CD22: variants seen among roughly 807,000 people sequenced by gnomAD.
CD22 encodes the protein CD22 molecule, also known as B-cell receptor CD22.
Under a neutral mutation model 94.7 loss-of-function variants are expected in CD22, and 51 were observed. The ratio of observed to expected loss-of-function variants is 0.54; its 90% CI spans 0.43 to 0.68. The LOEUF (loss-of-function observed/expected upper bound fraction) is 0.68. Among genes scored for constraint, CD22 ranks in the 30% least tolerant of loss-of-function variants. The probability of loss-of-function intolerance (pLI) is 0.00; values close to 1 mark genes in which losing one functional copy is unlikely to be tolerated. For synonymous variants in CD22, 424 were observed against 422.5 expected (o/e 1.00, Z -0.04); for missense variants, 931 against 1,060.4 (o/e 0.88, Z 1.69).
rs751235261 is a variant in CD22, at chr19:35,346,733, CG to C, written c.*41del. 17 of 1,566,294 alleles carry C rather than the reference CG, an allele frequency of 1.1e-5. No individual in the cohort carries two copies. In the South Asian group the frequency reaches 1.5e-4, roughly 14 times the overall value. The stretch of plus-strand genomic sequence containing the variant: ...GCTGCAGCAGAGGCACTGGGGGCAG[CG>C]GGGGCCAGGGAAGTCCCCGAGTTTC... On this transcript the variant is annotated 3_prime_UTR_variant, in exon 14 of 14. Coordinates refer to ENST00000085219, the MANE Select transcript of CD22 (RefSeq NM_001771.4).
At chr19:35,333,593 C>A (rs1351245907) in intron 3 of CD22, among the ~76,000 whole-genome samples, 1 of 152,080 alleles carries the variant, frequency 6.6e-6, no homozygotes, top group East Asian at 1.9e-4. Flanking sequence ...CTCGCACTGT[C>A]ATCACCCAGG....
rs754005395 is a variant in CD22, at chr19:35,346,727, G to A, written c.*30G>A. On this transcript the variant is annotated 3_prime_UTR_variant, in exon 14 of 14. Transcript: ENST00000085219. The stretch of plus-strand genomic sequence containing the variant: ...GGATGGGCTGCAGCAGAGGCACTGG[G>A]GGCAGCGGGGGCCAGGGAAGTCCCC... The A allele has an allele frequency of 3.8e-6, 6 of 1,572,068 alleles. No individual in the cohort carries two copies. In the Admixed American group the frequency reaches 1.1e-4, roughly 29 times the overall value.
rs1473745592 is a variant in CD22, at chr19:35,332,006, C to T, written c.-22-13C>T. On this transcript the variant is annotated splice_polypyrimidine_tract_variant and intron_variant, in intron 1 of 13. Coordinates refer to ENST00000085219, the MANE Select transcript of CD22 (RefSeq NM_001771.4). ...CGGCCAGATGGCTCAAAGACAAACT[C>T]TCCCCTGCTCAGGCTTGCACCCAGA... The T allele has an allele frequency of 6.2e-7, 1 of 1,613,774 alleles. No homozygotes were observed.
At chr19:35,343,580 CAG>C (rs1402518343) in intron 9 of CD22, among the ~76,000 whole-genome samples, 3 of 152,126 alleles carry the variant, frequency 2.0e-5, no homozygotes, top group African/African-American at 7.2e-5. Flanking sequence ...TATGCATACA[CAG>C]AGTGTCTAAA....
intron 6 of CD22, among the ~76,000 whole-genome samples, chr19:35,340,385 C>T (rs903490144): frequency 4.6e-5 from 7 of 152,268 alleles, no homozygotes; most frequent in Admixed American, 3.3e-4. Context: ...CGGGTTCAAG[C>T]GATTCTCTTG....
In CD22 at chr19:35,338,355, T is replaced by A; in HGVS notation, c.1173T>A (p.Ala391=). 6.2e-7 allele frequency: 1 copy of A among 1,614,184 alleles called. No individual in the cohort carries two copies. Among genetic ancestry groups the A allele is most frequent in the Non-Finnish European group, 8.5e-7 (1 of 1,180,016 alleles). Residue 391 remains alanine (A), a synonymous_variant, in exon 6 of 14, where the codon GCT becomes GCA. Transcript: ENST00000085219. ...VHIPKILPWH[A]GTYSCVAENI... is the part of the protein sequence containing the mutation. ...TCCCAAAGATCCTCCCCTGGCACGC[T>A]GGGACTTATTCCTGTGTGGCAGAAA...
At chr19:35,335,673 C>T (rs1324333818) in intron 3 of CD22, among the ~76,000 whole-genome samples, 4 of 151,864 alleles carry the variant, frequency 2.6e-5, no homozygotes, top group East Asian at 1.9e-4. Context: ...GCCAACATGG[C>T]GAAACCCTGT....
chr19:35,346,789 C>T lies in CD22; in HGVS notation c.*92C>T, dbSNP rs998781641. ...GACACCGCCACATGGCTTCCTCCTG[C>T]GCGCATGTGCGCACACACACACACA... On this transcript the variant is annotated 3_prime_UTR_variant, in exon 14 of 14. Coordinates refer to ENST00000085219, the MANE Select transcript of CD22 (RefSeq NM_001771.4). 16 of 1,139,512 alleles carry T rather than the reference C, an allele frequency of 1.4e-5. No homozygotes were observed. The highest frequency in any genetic ancestry group is 6.2e-5 in the African/African-American group (4 of 64,664). The allele number at this position is 1,139,512 out of a possible 1,614,324, so 70.6% of individuals were successfully genotyped here.
Position 35,345,641 on chromosome 19 carries a change from G to T in CD22, c.2248G>T (p.Gly750Ter). Reference protein sequence around the residue: ...APLSEGPHSLGCYNPMMEDGI... With the variant: ...APLSEGPHSL ...CCTCTCTGAAGGCCCCCACTCCCTG[G>T]GATGCTACAATCCAATGATGGAAGA... is the stretch of plus-strand genomic sequence containing the variant. Residue 750 changes from glycine (G) to a stop codon, truncating the protein, a stop_gained, in exon 12 of 14, where the codon GGA becomes TGA. Coordinates refer to ENST00000085219, the MANE Select transcript of CD22 (RefSeq NM_001771.4). LOFTEE classifies it high-confidence loss of function. 1 of 1,613,754 alleles carries T rather than the reference G, an allele frequency of 6.2e-7. No individual in the cohort carries two copies. The highest frequency in any genetic ancestry group is 1.1e-5 in the South Asian group (1 of 91,076).
chr19:35,340,088 A>G (rs933898990), intron 6 of CD22, among the ~76,000 whole-genome samples: 1 of 152,172 alleles, frequency 6.6e-6, no homozygotes, highest in Non-Finnish European at 1.5e-5. Context: ...CTGAGATGTC[A>G]TATGTGCTAA....
chr19:35,329,387 T>A (rs2066615720), intron 1 of CD22, 157 bp downstream of exon 1: 1 of 418,796 alleles, frequency 2.4e-6, no homozygotes, highest in Non-Finnish European at 4.8e-6. Context: ...GACCCCTGTC[T>A]TGAGCATCCT....
chr19:35,342,331 G>A (rs1599688184), intron 9 of CD22, among the ~76,000 whole-genome samples: 4 of 151,978 alleles, frequency 2.6e-5, no homozygotes, highest in South Asian at 2.1e-4. Context: ...CACCACATCC[G>A]GCTAATTTTT....
In CD22 at chr19:35,337,611, TGA is replaced by T; in HGVS notation, c.719-140_719-139del. 1 of 700,706 alleles carries T rather than the reference TGA, an allele frequency of 1.4e-6. No individual in the cohort carries two copies. The highest frequency in any genetic ancestry group is 2.3e-6 in the Non-Finnish European group (1 of 430,346). The allele number at this position is 700,706 out of a possible 1,614,324, so 43.4% of individuals were successfully genotyped here. On this transcript the variant is annotated intron_variant, in intron 4 of 13. Transcript: ENST00000085219. The surrounding 1 kb of genome is among the most constrained non-coding windows in gnomAD (Gnocchi z 4.4). The stretch of plus-strand genomic sequence containing the variant: ...AGTAGAGGAAGTGGGAGGGGGAAGC[TGA>T]GAGCCGAGTTAGGAGGCTGTGACCA...
chr19:35,338,051 G>A (rs1002532511), intron 5 of CD22, 30 bp downstream of exon 5: 13 of 1,589,794 alleles, frequency 8.2e-6, no homozygotes, highest in Non-Finnish European at 1.0e-5. Context: ...GGACAGGCCA[G>A]GCAGGGAGGT....
intron 1 of CD22, chr19:35,330,759 T>C (rs1289176578): frequency 3.3e-5 from 5 of 152,142 alleles, no homozygotes; most frequent in Non-Finnish European, 5.9e-5. Context: ...GCCATGATCA[T>C]GTAAATTGGG....
Position 35,332,585 on chromosome 19 carries a change from G to A in CD22, c.73G>A (p.Val25Ile), listed in dbSNP as rs760066052. 8 of 1,613,912 alleles carry A rather than the reference G, an allele frequency of 5.0e-6. No individual in the cohort carries two copies. In the Admixed American group the frequency reaches 1.3e-4, roughly 27 times the overall value. ...GGCTTTCTCTGACTCAAGTAAATGG[G>A]TTTTTGAGCACCCTGAAACCCTCTA... is the stretch of plus-strand genomic sequence containing the variant. The part of the protein sequence containing the change: ...YLAFSDSSKW[V>I]FEHPETLYAW... Residue 25 changes from valine (V) to isoleucine (I), a missense_variant, in exon 3 of 14, where the codon GTT (valine) becomes ATT (isoleucine). Transcript: ENST00000085219.
At chr19:35,335,077 C>CAAA (rs35391333) in intron 3 of CD22, among the ~76,000 whole-genome samples, 29 of 73,602 alleles carry the variant, frequency 3.9e-4, no homozygotes, top group African/African-American at 8.3e-4. Context: ...GACTCTGTCT[C>CAAA]AAAAAAAAAA....
chr19:35,346,525 G>T, intron 13 of CD22, 41 bp from the exon 14 acceptor site: 1 of 1,574,512 alleles, frequency 6.4e-7, no homozygotes, highest in East Asian at 2.3e-5. Flanking sequence ...GTGGAGGCTG[G>T]CGACAGTGGG....
chr19:35,334,290 C>G (rs1295517320), intron 3 of CD22, among the ~76,000 whole-genome samples: 1 of 152,050 alleles, frequency 6.6e-6, no homozygotes, highest in Non-Finnish European at 1.5e-5. Flanking sequence ...AGGCAGCTGC[C>G]AGGGAGTCAG....
Sources: allele counts gnomAD v4.1 joint callset (sites outside exome capture counted in the v4.1 genomes callset), GRCh38; gene constraint gnomAD v4.1.1; non-coding constraint Gnocchi (gnomAD v3.1); transcripts MANE v1.5; gene names NCBI Gene and HGNC (gene_info 2026-07-23, HGNC 2026-07-21).